ERBB4: variants seen among roughly 807,000 people sequenced by gnomAD.
The protein encoded by ERBB4 is erb-b2 receptor tyrosine kinase 4.
ERBB4 carries 42 observed loss-of-function variants against 158.0 expected under a neutral mutation model. That is an observed-to-expected ratio of 0.27 (90% CI 0.21 to 0.34). The LOEUF (loss-of-function observed/expected upper bound fraction) is 0.34. Among genes scored for constraint, ERBB4 ranks in the 10% least tolerant of loss-of-function variants. The pLI is 1.00. For synonymous variants in ERBB4, 583 were observed against 558.7 expected, an observed-to-expected ratio of 1.04 and a Z score of -0.61; for missense variants, 1,333 against 1,624.1, an observed-to-expected ratio of 0.82 and a Z score of 3.08.
chr2:212,084,158 G>A lies in ERBB4; in HGVS notation c.234+40594C>T, dbSNP rs572580217. 5.9e-5 allele frequency among the ~76,000 whole-genome samples: 9 copies of A among 152,032 alleles called. No individual in the cohort carries two copies. In the East Asian group the frequency reaches 1.5e-3, roughly 26 times the overall value. ...TCGATTGTACACACATATAAGGAAAGATAAATAGGAAGACAAATGACTTCT... is the reference window on the plus strand; with the variant it reads ...TCGATTGTACACACATATAAGGAAAAATAAATAGGAAGACAAATGACTTCT... On this transcript the variant is annotated intron_variant, in intron 2 of 27. Transcript: ENST00000342788.
rs986064440 is a variant in ERBB4 at position 212,124,558 on chromosome 2, G to C, written c.234+194C>G. 18 of 609,076 alleles carry C rather than the reference G, an allele frequency of 3.0e-5. No individual in the cohort carries two copies. The African/African-American group carries it at 3.1e-4, about 11-fold the overall frequency. The allele number at this position is 609,076 out of a possible 1,614,324, so 37.7% of individuals were successfully genotyped here. The stretch of plus-strand genomic sequence containing the variant: ...AACAGCAACTGCTTTAAACTCAGGA[G>C]CGTCAGTCATTATGGCTTTGTTACT... On this transcript the variant is annotated intron_variant, in intron 2 of 27. Coordinates refer to ENST00000342788, the MANE Select transcript of ERBB4 (RefSeq NM_005235.3).
At chr2:212,000,161 T>C (rs12618175) in intron 2 of ERBB4, among the ~76,000 whole-genome samples, 1 of 151,490 alleles carries the variant, frequency 6.6e-6, no homozygotes, top group African/African-American at 2.4e-5. Context: ...TAAGCAGGAA[T>C]GTATCAAATA....
At chr2:211,794,328 A>G (rs1461413603) in intron 3 of ERBB4, among the ~76,000 whole-genome samples, 1 of 151,852 alleles carries the variant, frequency 6.6e-6, no homozygotes, top group African/African-American at 2.4e-5. Context: ...TGATTACCCG[A>G]GCCACTTATC....
At chr2:211,699,633 A>G (rs1246438033) in intron 12 of ERBB4, among the ~76,000 whole-genome samples, 2 of 152,124 alleles carry the variant, frequency 1.3e-5, no homozygotes, top group Non-Finnish European at 2.9e-5. Context: ...GCACCACAAA[A>G]CTATGTTTCT....
intron 20 of ERBB4, among the ~76,000 whole-genome samples, chr2:211,495,216 T>A (rs1261814766): frequency 6.6e-6 from 1 of 152,046 alleles, no homozygotes; most frequent in African/African-American, 2.4e-5. Flanking sequence ...AATATAACAA[T>A]ACATTGAAAA....
At chr2:211,852,910 A>G (rs2077754304) in intron 3 of ERBB4, among the ~76,000 whole-genome samples, 1 of 151,984 alleles carries the variant, frequency 6.6e-6, no homozygotes, top group Admixed American at 6.6e-5. Flanking sequence ...ATGCTCTATT[A>G]GAAAATAAAT....
intron 19 of ERBB4, among the ~76,000 whole-genome samples, chr2:211,609,317 C>G (rs1419013110): frequency 6.6e-6 from 1 of 152,096 alleles, no homozygotes; most frequent in Non-Finnish European, 1.5e-5. Flanking sequence ...CAGAGAGGGC[C>G]CTGCCCCCAC....
chr2:211,673,143 C>T (rs2105938618), intron 14 of ERBB4, 21 bp downstream of exon 14: 1 of 1,548,018 alleles, frequency 6.5e-7, no homozygotes, highest in Non-Finnish European at 8.9e-7. Flanking sequence ...GCCAACACAC[C>T]ACAGATGTCT....
intron 12 of ERBB4, 60 bp from the exon 13 acceptor site, chr2:211,679,244 T>G (rs1264220713): frequency 6.3e-7 from 1 of 1,584,284 alleles, no homozygotes; most frequent in Admixed American, 1.7e-5. Flanking sequence ...ACTTAAAATC[T>G]TCCTAGGTAA....
chr2:212,135,624 A>G (rs2080248419), intron 1 of ERBB4, among the ~76,000 whole-genome samples: 1 of 152,208 alleles, frequency 6.6e-6, no homozygotes, highest in Admixed American at 6.5e-5. Flanking sequence ...ATCTATACAT[A>G]CTTGGATGAA....
chr2:212,503,409 A>C (rs1691008850), intron 1 of ERBB4, among the ~76,000 whole-genome samples: 2 of 152,198 alleles, frequency 1.3e-5, no homozygotes, highest in Non-Finnish European at 2.9e-5. Flanking sequence ...TCCTACTGGC[A>C]AACACAGGTG....
At chr2:212,385,402 A>G (rs1370124742) in intron 1 of ERBB4, among the ~76,000 whole-genome samples, 1 of 151,702 alleles carries the variant, frequency 6.6e-6, no homozygotes, top group African/African-American at 2.4e-5. Context: ...GACAAACCAC[A>G]TTTTCCTTTC....
chr2:211,994,793 G>C (rs10175279), intron 2 of ERBB4, among the ~76,000 whole-genome samples: 82 of 152,086 alleles, frequency 5.4e-4, no homozygotes, highest in Admixed American at 4.1e-3. Flanking sequence ...TTACCTGAGA[G>C]AGCAACAGCA....
intron 2 of ERBB4, among the ~76,000 whole-genome samples, chr2:212,114,677 G>A (rs80125947): frequency 2.0e-5 from 3 of 152,162 alleles, no homozygotes; most frequent in East Asian, 1.9e-4. Flanking sequence ...TTGCTTCTGC[G>A]AAATGATGTT....
chr2:211,955,215 T>G (rs2080994194), intron 2 of ERBB4, among the ~76,000 whole-genome samples: 1 of 152,056 alleles, frequency 6.6e-6, no homozygotes. Flanking sequence ...TGGGTGCTAG[T>G]GTTGCTATGA....
chr2:211,774,042 T>C (rs925233959), intron 4 of ERBB4, among the ~76,000 whole-genome samples: 1 of 151,910 alleles, frequency 6.6e-6, no homozygotes, highest in African/African-American at 2.4e-5. Flanking sequence ...CGGTCTTAGA[T>C]TGTTCAGATG....
At chr2:211,625,534 ATTTCAT>A (rs1229641115) in intron 17 of ERBB4, among the ~76,000 whole-genome samples, 1 of 152,166 alleles carries the variant, frequency 6.6e-6, no homozygotes, top group Admixed American at 6.5e-5. Flanking sequence ...CTCATCTTCA[ATTTCAT>A]TTTCAAATTT....
intron 1 of ERBB4, among the ~76,000 whole-genome samples, chr2:212,184,517 C>T (rs866013683): frequency 4.5e-4 from 68 of 152,160 alleles, no homozygotes; most frequent in African/African-American, 1.5e-3. Context: ...TCCTAATCAC[C>T]TACCTGGCAC....
chr2:211,834,900 T>C (rs1014561523), intron 3 of ERBB4, among the ~76,000 whole-genome samples: 1 of 152,096 alleles, frequency 6.6e-6, no homozygotes, highest in Non-Finnish European at 1.5e-5. Context: ...GGACCAAATT[T>C]CAAATGGTAA....
Sources: allele counts gnomAD v4.1 joint callset (sites outside exome capture counted in the v4.1 genomes callset), GRCh38; gene constraint gnomAD v4.1.1; transcripts MANE v1.5; gene names NCBI Gene and HGNC (gene_info 2026-07-23, HGNC 2026-07-21).